The following NCR3 variants were observed in gnomAD, a reference collection of about 807,000 sequenced individuals.
NCR3 encodes the protein natural cytotoxicity triggering receptor 3.
In NCR3, 13 loss-of-function variants were observed where a neutral mutation model predicts 16.1. The ratio of observed to expected loss-of-function variants is 0.81; its 90% CI spans 0.53 to 1.28. The LOEUF is 1.28. Ranked by LOEUF, NCR3 falls within the 50% of genes most tolerant of loss-of-function variation. NCR3 has a pLI of 0.00. For missense variants in NCR3, 202 were observed against 256.8 expected (o/e 0.79, Z 1.46); for synonymous variants, 98 against 106.6 (o/e 0.92, Z 0.50).
chr6:31,591,387 TACCCCCCGAGTTTTTGA>T (rs1488918100), intron 1 of NCR3, among the ~76,000 whole-genome samples: 2 of 96,538 alleles, frequency 2.1e-5, no homozygotes, highest in African/African-American at 9.6e-5. Context: ...TTCCTGGGCC[TACCCCCCGAGTTTTTGA>T]CTCAGTAGGT....
Position 31,590,032 on chromosome 6 carries a change from C to A in NCR3, c.138G>T (p.Gly46=), listed in dbSNP as rs757425635. Residue 46 remains glycine, a synonymous_variant, in exon 2 of 4, where the codon GGG becomes GGT. Coordinates refer to ENST00000340027, the MANE Select transcript of NCR3 (RefSeq NM_147130.3). The part of the protein sequence containing the change: ...FLPCSFNASQ[G]RLAIGSVTWF... ...ACGTGACGGAGCCAATGGCCAGTCT[C>A]CCTTGGCTGGCATTGAAGGAGCAGG... 1 of 1,612,948 alleles carries A rather than the reference C, an allele frequency of 6.2e-7. No individual in the cohort carries two copies.
rs777446970 is a variant in NCR3 at position 31,589,736 on chromosome 6, C to T, written c.388+46G>A. The stretch of plus-strand genomic sequence containing the variant: ...TCCCTGCCTCCCAAGGACATTGCCT[C>T]TTGGGGCCTCCAGCCAGGAGGAGAC... On this transcript the variant is annotated intron_variant, in intron 2 of 3. Coordinates refer to ENST00000340027, the MANE Select transcript of NCR3 (RefSeq NM_147130.3). The surrounding 1 kb of genome is among the most constrained non-coding windows in gnomAD (Gnocchi z 4.8). 3 of 1,603,710 alleles carry T rather than the reference C, an allele frequency of 1.9e-6. No individual in the cohort carries two copies. Among genetic ancestry groups the T allele is most frequent in the South Asian group, 1.1e-5 (1 of 90,280 alleles).
chr6:31,591,515 G>A lies in NCR3; in HGVS notation c.43+1164C>T, dbSNP rs545691156. The stretch of plus-strand genomic sequence containing the variant: ...TATGCCTGATAGTTAAGGTCTCTCA[G>A]TTCATTAAAAACAGTTTCGGCCGGG... On this transcript the variant is annotated intron_variant, in intron 1 of 3. Coordinates refer to ENST00000340027, the MANE Select transcript of NCR3 (RefSeq NM_147130.3). Among the ~76,000 whole-genome samples, 14 of 152,306 alleles carry A rather than the reference G, an allele frequency of 9.2e-5. No homozygotes were observed. The South Asian group carries it at 2.5e-3, about 27-fold the overall frequency.
At position 31,589,177 on chromosome 6, in the gene NCR3, C is replaced by G. The variant is rs753945639; in HGVS notation, c.497-1G>C. 6.2e-7 allele frequency: 1 copy of G among 1,613,568 alleles called. No homozygotes were observed. Among genetic ancestry groups the G allele is most frequent in the South Asian group, 1.1e-5 (1 of 90,938 alleles). Reference sequence around the variant, plus strand: ...CTTCTTGGACCTTTCCAGGTCAGACCTGGTGGAAGGGAAAGTTCAGAGTTG... The same window carrying G: ...CTTCTTGGACCTTTCCAGGTCAGACGTGGTGGAAGGGAAAGTTCAGAGTTG... On this transcript the variant is annotated splice_acceptor_variant, in intron 3 of 3. Transcript: ENST00000340027. LOFTEE classifies it high-confidence loss of function. The surrounding 1 kb of genome is among the most constrained non-coding windows in gnomAD (Gnocchi z 4.8).
In NCR3 at chr6:31,589,736, C is replaced by A; in HGVS notation, c.388+46G>T. The A allele has an allele frequency of 6.2e-7, 1 of 1,603,710 alleles. No homozygotes were observed. Reference sequence around the variant, plus strand: ...TCCCTGCCTCCCAAGGACATTGCCTCTTGGGGCCTCCAGCCAGGAGGAGAC... The same window carrying A: ...TCCCTGCCTCCCAAGGACATTGCCTATTGGGGCCTCCAGCCAGGAGGAGAC... On this transcript the variant is annotated intron_variant, in intron 2 of 3. Transcript: ENST00000340027. This position sits in a 1 kb window ranked among gnomAD's most constrained non-coding sequence, Gnocchi z 4.8.
intron 1 of NCR3, among the ~76,000 whole-genome samples, chr6:31,590,506 G>A (rs1342978407): frequency 6.6e-6 from 1 of 152,124 alleles, no homozygotes; most frequent in Non-Finnish European, 1.5e-5. Context: ...GGAGGCTGAG[G>A]CAGGAGAATC....
chr6:31,590,412 C>T (rs1028235078), intron 1 of NCR3, among the ~76,000 whole-genome samples: 1 of 151,966 alleles, frequency 6.6e-6, no homozygotes, highest in East Asian at 1.9e-4. Context: ...CCATCCTGGC[C>T]AACATGGTGA....
chr6:31,590,235 TG>T, intron 1 of NCR3, 109 bp from the exon 2 acceptor site: 1 of 862,198 alleles, frequency 1.2e-6, no homozygotes. Flanking sequence ...ATAGGGTGCA[TG>T]GGAATAGATA....
In NCR3 at chr6:31,592,651, T is replaced by C. The variant is rs369128366; in HGVS notation, c.43+28A>G. ...ATCTCCCTCCTCCCACCCACACTCC[T>C]TGGGGTCCTGAGCGCACGCCCTGTC... On this transcript the variant is annotated intron_variant, in intron 1 of 3. Coordinates refer to ENST00000340027, the MANE Select transcript of NCR3 (RefSeq NM_147130.3). 65 of 1,612,462 alleles carry C rather than the reference T, an allele frequency of 4.0e-5. No individual in the cohort carries two copies. The African/African-American group carries it at 7.1e-4, about 18-fold the overall frequency.
Position 31,590,013 on chromosome 6 carries a change from C to T in NCR3, c.157G>A (p.Val53Ile), listed in dbSNP as rs752874779. 18 of 1,612,946 alleles carry T rather than the reference C, an allele frequency of 1.1e-5. No individual in the cohort carries two copies. The highest frequency in any genetic ancestry group is 2.7e-5 in the African/African-American group (2 of 74,912). ...ASQGRLAIGS[V>I]TWFRDEVVPG... ...ACCACCTCATCTCGGAACCACGTGACGGAGCCAATGGCCAGTCTCCCTTGG... is the reference window on the plus strand; with the variant it reads ...ACCACCTCATCTCGGAACCACGTGATGGAGCCAATGGCCAGTCTCCCTTGG... The change falls in exon 2 of 4, where the codon GTC becomes ATC. Residue 53 changes from valine to isoleucine, a missense_variant. Physicochemically the swap from Val to Ile is conservative, Grantham distance 29 (BLOSUM62 3). Coordinates refer to ENST00000340027, the MANE Select transcript of NCR3 (RefSeq NM_147130.3).
chr6:31,589,782 C>A lies in NCR3; in HGVS notation c.388G>T (p.Glu130Ter). 1 of 1,608,910 alleles carries A rather than the reference C, an allele frequency of 6.2e-7. No homozygotes were observed. ...GNGTRLVVEK[E>*]HPQLGAGTVL... ...GAGACACCACCTCCCAGCATCTCAC[C>A]TTTCTCCACCACCAGCCGAGTCCCA... The change falls in exon 2 of 4, where the codon GAA becomes TAA. Residue 130 changes from glutamate to a stop codon, truncating the protein, a stop_gained and splice_region_variant. Transcript: ENST00000340027. LOFTEE classifies it high-confidence loss of function. The surrounding 1 kb of genome is among the most constrained non-coding windows in gnomAD (Gnocchi z 4.8).
In NCR3 at chr6:31,589,111, A is replaced by G; in HGVS notation, c.562T>C (p.Cys188Arg). The G allele has an allele frequency of 6.2e-7, 1 of 1,611,282 alleles. No homozygotes were observed. Among genetic ancestry groups the G allele is most frequent in the East Asian group, 2.2e-5 (1 of 44,868 alleles). Reference protein sequence around the residue: ...AVVPAPLPPPCGSSAHLLPPV... With the variant: ...AVVPAPLPPPRGSSAHLLPPV... ...GGAAGCAGATGTGCTGAGCTCCCAC[A>G]TGGTGGTGGGAGGGGCGCTGGGACC... Residue 188 changes from cysteine (C) to arginine (R), a missense_variant, in exon 4 of 4, where the codon TGT (cysteine) becomes CGT (arginine). Transcript: ENST00000340027. The surrounding 1 kb of genome is among the most constrained non-coding windows in gnomAD (Gnocchi z 4.8).
chr6:31,590,154 A>G, intron 1 of NCR3, 28 bp from the exon 2 acceptor site: 4 of 1,562,342 alleles, frequency 2.6e-6, no homozygotes, highest in Non-Finnish European at 3.5e-6. Context: ...ACCCAGAGAA[A>G]CACCTCCCCA....
intron 1 of NCR3, among the ~76,000 whole-genome samples, chr6:31,590,620 A>G (rs1339043477): frequency 6.6e-6 from 1 of 152,004 alleles, no homozygotes; most frequent in East Asian, 1.9e-4. Context: ...AAAAATAAAA[A>G]TCATTTTTCA....
Position 31,589,464 on chromosome 6 carries a change from C to T in NCR3, c.496+62G>A. 3.8e-6 allele frequency: 6 copies of T among 1,597,796 alleles called. No individual in the cohort carries two copies. Among genetic ancestry groups the T allele is most frequent in the Non-Finnish European group, 5.1e-6 (6 of 1,170,428 alleles). On this transcript the variant is annotated intron_variant, in intron 3 of 3. Coordinates refer to ENST00000340027, the MANE Select transcript of NCR3 (RefSeq NM_147130.3). This position sits in a 1 kb window ranked among gnomAD's most constrained non-coding sequence, Gnocchi z 4.8. ...CCTCTTCCTGGTCTCTGTCCTCCCT[C>T]CTCCCACTCTCTTACTGCCCCTCCC...
rs755963966 is a variant in NCR3, at chr6:31,589,507, C to A, written c.496+19G>T. ...CCCCTCCCATCCCGTCCACTATTGC[C>A]CCTGGCTCCATTACTCACATTTGCC... On this transcript the variant is annotated intron_variant, in intron 3 of 3. Transcript: ENST00000340027. The surrounding 1 kb of genome is among the most constrained non-coding windows in gnomAD (Gnocchi z 4.8). 2.3e-5 allele frequency: 37 copies of A among 1,613,522 alleles called. 1 individual carries two copies. The South Asian group carries it at 4.0e-4, about 17-fold the overall frequency.
Position 31,592,762 on chromosome 6 carries a change from GAGGTC to G in NCR3, c.-46_-42del. ...AGTTGGCGAAGGGGATCTGAGCAGTGAGGTCTGGGTGGAGGAGGAAGGACTCACTA... is the reference window on the plus strand; with the variant it reads ...AGTTGGCGAAGGGGATCTGAGCAGTGTGGGTGGAGGAGGAAGGACTCACTA... On this transcript the variant is annotated 5_prime_UTR_variant, in exon 1 of 4. Coordinates refer to ENST00000340027, the MANE Select transcript of NCR3 (RefSeq NM_147130.3). 1.9e-6 allele frequency: 3 copies of G among 1,611,550 alleles called. No homozygotes were observed. The highest frequency in any genetic ancestry group is 2.5e-6 in the Non-Finnish European group (3 of 1,179,022).
Position 31,589,466 on chromosome 6 carries a change from T to G in NCR3, c.496+60A>C. ...TCTTCCTGGTCTCTGTCCTCCCTCCTCCCACTCTCTTACTGCCCCTCCCAT... is the reference window on the plus strand; with the variant it reads ...TCTTCCTGGTCTCTGTCCTCCCTCCGCCCACTCTCTTACTGCCCCTCCCAT... On this transcript the variant is annotated intron_variant, in intron 3 of 3. Coordinates refer to ENST00000340027, the MANE Select transcript of NCR3 (RefSeq NM_147130.3). The surrounding 1 kb of genome is among the most constrained non-coding windows in gnomAD (Gnocchi z 4.8). 5.6e-6 allele frequency: 9 copies of G among 1,599,030 alleles called. No individual in the cohort carries two copies. Among genetic ancestry groups the G allele is most frequent in the Non-Finnish European group, 7.7e-6 (9 of 1,170,918 alleles).
Position 31,589,195 on chromosome 6 carries a change from C to G in NCR3, c.497-19G>C. 6.2e-7 allele frequency: 1 copy of G among 1,611,502 alleles called. No individual in the cohort carries two copies. The highest frequency in any genetic ancestry group is 8.5e-7 in the Non-Finnish European group (1 of 1,178,912). On this transcript the variant is annotated intron_variant, in intron 3 of 3. Coordinates refer to ENST00000340027, the MANE Select transcript of NCR3 (RefSeq NM_147130.3). This position sits in a 1 kb window ranked among gnomAD's most constrained non-coding sequence, Gnocchi z 4.8. Reference sequence around the variant, plus strand: ...GTCAGACCTGGTGGAAGGGAAAGTTCAGAGTTGGGGGAATCCGGAGAGAGT... The same window carrying G: ...GTCAGACCTGGTGGAAGGGAAAGTTGAGAGTTGGGGGAATCCGGAGAGAGT...
Sources: allele counts gnomAD v4.1 joint callset (sites outside exome capture counted in the v4.1 genomes callset), GRCh38; gene constraint gnomAD v4.1.1; non-coding constraint Gnocchi (gnomAD v3.1); transcripts MANE v1.5; gene names NCBI Gene and HGNC (gene_info 2026-07-23, HGNC 2026-07-21).